NELL1: variants seen among roughly 807,000 people sequenced by gnomAD.
NELL1 encodes neural EGFL like 1.
A neutral mutation model predicts 107.4 loss-of-function variants in NELL1; 76 were observed. The observed-to-expected ratio is 0.71, with a 90% confidence interval of 0.59 to 0.86. The LOEUF (loss-of-function observed/expected upper bound fraction) is 0.86, where lower values mean the gene tolerates loss of function less well. Ranked by LOEUF, NELL1 falls within the 40% of genes least tolerant of loss-of-function variation. NELL1 has a pLI of 0.00. For missense variants in NELL1, 1,024 were observed against 1,005.5 expected, an observed-to-expected ratio of 1.02 and a Z score of -0.25; for synonymous variants, 353 against 341.2, an observed-to-expected ratio of 1.03 and a Z score of -0.38.
intron 15 of NELL1, among the ~76,000 whole-genome samples, chr11:21,474,166 A>G (rs961138059): frequency 6.6e-6 from 1 of 151,882 alleles, no homozygotes; most frequent in Non-Finnish European, 1.5e-5. Flanking sequence ...CATTCCTTAA[A>G]TTATTTTACT....
chr11:21,040,697 T>A (rs928948283), intron 12 of NELL1, among the ~76,000 whole-genome samples: 2 of 152,218 alleles, frequency 1.3e-5, no homozygotes, highest in African/African-American at 4.8e-5. Context: ...AAGACCAGAA[T>A]GAGTAGTTCA....
At chr11:20,715,479 G>A (rs1026553512) in intron 2 of NELL1, among the ~76,000 whole-genome samples, 1 of 152,152 alleles carries the variant, frequency 6.6e-6, no homozygotes, top group Non-Finnish European at 1.5e-5. Context: ...GGCAGACATA[G>A]GATTTGAACT....
intron 15 of NELL1, among the ~76,000 whole-genome samples, chr11:21,445,101 TA>T (rs1364787822): frequency 1.6e-4 from 25 of 152,204 alleles, no homozygotes; most frequent in African/African-American, 5.5e-4. Flanking sequence ...TTATTGTTTG[TA>T]TTCATATCTT....
intron 2 of NELL1, among the ~76,000 whole-genome samples, chr11:20,692,387 A>G (rs889958735): frequency 2.0e-5 from 3 of 151,392 alleles, no homozygotes; most frequent in Admixed American, 6.6e-5. Context: ...TAGGGTGTCA[A>G]TTTTGGGTCT....
chr11:20,941,799 G>A (rs1276870502), intron 10 of NELL1, among the ~76,000 whole-genome samples: 3 of 152,104 alleles, frequency 2.0e-5, no homozygotes, highest in Non-Finnish European at 2.9e-5. Context: ...GGTGGTCATG[G>A]GCGTGGATAG....
chr11:21,159,076 A>G (rs1309256229), intron 13 of NELL1, among the ~76,000 whole-genome samples: 1 of 152,104 alleles, frequency 6.6e-6, no homozygotes, highest in African/African-American at 2.4e-5. Context: ...TCCTAACTCA[A>G]TCTTAGCTCT....
At chr11:20,892,504 C>A (rs1267756705) in intron 5 of NELL1, among the ~76,000 whole-genome samples, 1 of 152,178 alleles carries the variant, frequency 6.6e-6, no homozygotes, top group Non-Finnish European at 1.5e-5. Context: ...ATTAGTTCAA[C>A]CATTGTGGAC....
At chr11:20,752,057 A>C (rs1856152835) in intron 2 of NELL1, among the ~76,000 whole-genome samples, 2 of 151,842 alleles carry the variant, frequency 1.3e-5, no homozygotes, top group East Asian at 1.9e-4. Context: ...TTTATCTTTT[A>C]TTTCTTTTCT....
rs111612536 is a variant in NELL1 at position 21,552,875 on chromosome 11, G to A, written c.1787-7314G>A. On this transcript the variant is annotated intron_variant, in intron 16 of 19. Coordinates refer to ENST00000357134, the MANE Select transcript of NELL1 (RefSeq NM_006157.5). The stretch of plus-strand genomic sequence containing the variant: ...ATCAATGTCTTAACTCCCCTACTAG[G>A]GCATAGTTTTTGGAAAAGCCTTGAC... Among the ~76,000 whole-genome samples the A allele has an allele frequency of 4.0e-3, 603 of 151,786 alleles. 5 individuals carry two copies. Among genetic ancestry groups the A allele is most frequent in the African/African-American group, 0.014 (572 of 41,470 alleles).
chr11:21,194,154 C>T (rs1037410275), intron 13 of NELL1, among the ~76,000 whole-genome samples: 2 of 151,710 alleles, frequency 1.3e-5, no homozygotes, highest in Non-Finnish European at 2.9e-5. Context: ...TATCAGTTAC[C>T]AGATGGCATT....
intron 15 of NELL1, among the ~76,000 whole-genome samples, chr11:21,480,478 G>A (rs1191127059): frequency 1.3e-5 from 2 of 152,178 alleles, no homozygotes; most frequent in Non-Finnish European, 2.9e-5. Context: ...CAGAAGTGAA[G>A]CTATTAGGCT....
At chr11:20,857,370 G>A (rs1319782413) in intron 4 of NELL1, among the ~76,000 whole-genome samples, 1 of 152,200 alleles carries the variant, frequency 6.6e-6, no homozygotes, top group East Asian at 1.9e-4. Context: ...ACCTCAGCAT[G>A]GGCTGCAACC....
chr11:21,284,880 C>T, intron 14 of NELL1: 1 of 277,592 alleles, frequency 3.6e-6, no homozygotes, highest in Non-Finnish European at 7.1e-6. Flanking sequence ...CACTGCAGAC[C>T]TTGGAGGCCA....
chr11:20,840,889 C>G (rs1038967070), intron 3 of NELL1, among the ~76,000 whole-genome samples: 5 of 152,178 alleles, frequency 3.3e-5, no homozygotes, highest in African/African-American at 4.8e-5. Flanking sequence ...CCATGTAATT[C>G]AGGTTATCTG....
chr11:21,134,418 C>A (rs1855695664), intron 13 of NELL1, among the ~76,000 whole-genome samples: 1 of 152,122 alleles, frequency 6.6e-6, no homozygotes. Context: ...CCTGTTTAGG[C>A]ATCTTCTCTT....
chr11:21,169,808 A>G, intron 13 of NELL1: 1 of 1,393,718 alleles, frequency 7.2e-7, no homozygotes, highest in Non-Finnish European at 1.0e-6. Context: ...AGTGGGACAG[A>G]ATCAGCCTGC....
intron 2 of NELL1, among the ~76,000 whole-genome samples, chr11:20,695,460 T>C (rs1590211734): frequency 2.0e-5 from 3 of 152,304 alleles, no homozygotes; most frequent in South Asian, 4.1e-4. Flanking sequence ...TTTTGAGGTA[T>C]GTTCCTTTGA....
chr11:21,491,552 T>G (rs1336951221), intron 15 of NELL1, among the ~76,000 whole-genome samples: 1 of 152,142 alleles, frequency 6.6e-6, no homozygotes, highest in Non-Finnish European at 1.5e-5. Flanking sequence ...GTTCCATTGA[T>G]CTATATCTCT....
chr11:20,975,971 ATATAT>A (rs1394654861), intron 12 of NELL1, among the ~76,000 whole-genome samples: 6 of 142,890 alleles, frequency 4.2e-5, no homozygotes, highest in African/African-American at 7.6e-5. Flanking sequence ...TATACATTAT[ATATAT>A]TATATCTGTA....
Sources: gnomAD v4.1 joint callset for allele counts (sites outside exome capture counted in the v4.1 genomes callset) on GRCh38, gnomAD v4.1.1 for gene constraint, MANE v1.5 for transcripts, NCBI Gene and HGNC (gene_info 2026-07-23, HGNC 2026-07-21) for gene names.